Variants in HDAC9 observed in about 807,000 individuals in gnomAD.
The protein encoded by HDAC9 is histone deacetylase 9.
HDAC9 carries 41 observed loss-of-function variants against 139.4 expected under a neutral mutation model. That is an observed-to-expected ratio of 0.29 (90% CI 0.23 to 0.38). The LOEUF is 0.38. Among genes scored for constraint, HDAC9 ranks in the 10% least tolerant of loss-of-function variants. The pLI, the probability that HDAC9 is intolerant of heterozygous loss-of-function variation, is 1.00. For synonymous variants in HDAC9, 517 were observed against 476.2 expected, an observed-to-expected ratio of 1.09 and a Z score of -1.12; for missense variants, 1,147 against 1,297.0, an observed-to-expected ratio of 0.88 and a Z score of 1.78.
At chr7:18,727,444 ATT>A in intron 12 of HDAC9, 134 bp from the exon 13 acceptor site, 2 of 630,452 alleles carry the variant, frequency 3.2e-6, no homozygotes, top group Non-Finnish European at 5.1e-6. Flanking sequence ...CCCTTTCTCT[ATT>A]TTTTTTTTCT....
chr7:18,427,617 C>A (rs1790239573), intron 1 of HDAC9, among the ~76,000 whole-genome samples: 1 of 151,834 alleles, frequency 6.6e-6, no homozygotes, highest in African/African-American at 2.4e-5. Context: ...CAGTAACCTT[C>A]TCATTGATCT....
At chr7:18,352,922 C>G (rs890677871) in intron 1 of HDAC9, among the ~76,000 whole-genome samples, 2 of 152,090 alleles carry the variant, frequency 1.3e-5, no homozygotes, top group African/African-American at 4.8e-5. Context: ...AGAAGGTCAG[C>G]TCGGCGGCCA....
rs78956017 is a variant in HDAC9, at chr7:18,452,800, G to A, written c.-41-43462G>A. ...AGATGTGCCTTTTCTCTTCCTTCAC[G>A]TGTCACTGTGATTGTGAGGCCTCCC... On this transcript the variant is annotated intron_variant, in intron 1 of 3. Transcript: ENST00000413509. Among the ~76,000 whole-genome samples the A allele has an allele frequency of 2.0e-5, 3 of 152,134 alleles. No individual in the cohort carries two copies. The South Asian group carries it at 6.2e-4, about 32-fold the overall frequency.
intron 6 of HDAC9, among the ~76,000 whole-genome samples, chr7:18,622,303 A>G (rs1304265793): frequency 6.6e-6 from 1 of 152,118 alleles, no homozygotes. Context: ...CCAAATATTC[A>G]TTATTTTAAA....
chr7:18,784,927 A>G (rs1308176472), intron 16 of HDAC9, among the ~76,000 whole-genome samples: 1 of 142,484 alleles, frequency 7.0e-6, no homozygotes, highest in East Asian at 2.0e-4. Flanking sequence ...CTTGGCTTTT[A>G]ATAGGTAGCA....
chr7:18,637,566 G>A (rs1038571038), intron 8 of HDAC9, among the ~76,000 whole-genome samples: 1 of 152,030 alleles, frequency 6.6e-6, no homozygotes, highest in African/African-American at 2.4e-5. Context: ...GAGTTTAAAA[G>A]GGTAGAGGTA....
In HDAC9 at chr7:18,732,901, A is replaced by G. The variant is rs202149002; in HGVS notation, c.1909+5144A>G. Among the ~76,000 whole-genome samples, 23 of 78,456 alleles carry G rather than the reference A, an allele frequency of 2.9e-4. 3 individuals carry two copies. The highest frequency in any genetic ancestry group is 2.2e-3 in the East Asian group (4 of 1,860). 51.5% of individuals were successfully genotyped at this position (78,456 alleles called of 152,430 possible). A position where few individuals can be genotyped will look rare whatever the true frequency, so the allele number is the denominator to read the frequency against. ...CACGTGTGCGTATGTGTACACACACACGTGTGCGTATGTGTATACACACGT... is the reference window on the plus strand; with the variant it reads ...CACGTGTGCGTATGTGTACACACACGCGTGTGCGTATGTGTATACACACGT... On this transcript the variant is annotated intron_variant, in intron 13 of 25. Coordinates refer to ENST00000686413, the MANE Select transcript of HDAC9 (RefSeq NM_178425.4).
intron 24 of HDAC9, among the ~76,000 whole-genome samples, chr7:18,955,552 C>T (rs960587198): frequency 6.6e-6 from 1 of 152,112 alleles, no homozygotes; most frequent in African/African-American, 2.4e-5. Flanking sequence ...CTGAGCATAT[C>T]ACTTCAATAG....
At chr7:18,447,454 A>G (rs1398252324) in intron 1 of HDAC9, among the ~76,000 whole-genome samples, 1 of 152,170 alleles carries the variant, frequency 6.6e-6, no homozygotes, top group African/African-American at 2.4e-5. Context: ...GTCTAGTTTT[A>G]TTATATTGTT....
At chr7:18,226,414 A>AG (rs1430967374) in intron 2 of HDAC9, among the ~76,000 whole-genome samples, 1 of 152,112 alleles carries the variant, frequency 6.6e-6, no homozygotes, top group Non-Finnish European at 1.5e-5. Context: ...GCTAACTCCC[A>AG]GGAAAAAAAA....
chr7:18,172,663 C>G (rs201927861), intron 2 of HDAC9, among the ~76,000 whole-genome samples: 1 of 152,090 alleles, frequency 6.6e-6, no homozygotes, highest in African/African-American at 2.4e-5. Flanking sequence ...TTTGTTCTCA[C>G]TGGTTTCAAA....
intron 2 of HDAC9, among the ~76,000 whole-genome samples, chr7:18,500,369 C>T (rs992830584): frequency 2.6e-5 from 4 of 152,132 alleles, no homozygotes; most frequent in African/African-American, 9.7e-5. Flanking sequence ...ACATACCTTC[C>T]ATCCCTGTCA....
intron 8 of HDAC9, among the ~76,000 whole-genome samples, chr7:18,640,575 A>T: frequency 6.8e-6 from 1 of 146,244 alleles, no homozygotes; most frequent in African/African-American, 2.5e-5. Flanking sequence ...CCCCACTTTC[A>T]TTTTCCTTGC....
At chr7:18,519,277 G>T (rs959841699) in intron 2 of HDAC9, among the ~76,000 whole-genome samples, 1 of 152,086 alleles carries the variant, frequency 6.6e-6, no homozygotes, top group Non-Finnish European at 1.5e-5. Flanking sequence ...TGTTGACTTG[G>T]TATTCTTCGT....
At chr7:18,841,456 T>C (rs1796577839) in intron 21 of HDAC9, among the ~76,000 whole-genome samples, 1 of 152,150 alleles carries the variant, frequency 6.6e-6, no homozygotes, top group South Asian at 2.1e-4. Context: ...GTTGTTCATT[T>C]TTTTAAAAAG....
At chr7:18,257,627 C>G (rs182732933) in intron 2 of HDAC9, among the ~76,000 whole-genome samples, 19 of 152,112 alleles carry the variant, frequency 1.2e-4, no homozygotes, top group Admixed American at 1.1e-3. Context: ...TAAAAACAAA[C>G]CAGCTACTCA....
chr7:18,386,722 C>G (rs562826815), intron 1 of HDAC9, among the ~76,000 whole-genome samples: 2 of 152,290 alleles, frequency 1.3e-5, no homozygotes, highest in South Asian at 4.1e-4. Flanking sequence ...AGAGACTGTT[C>G]TATTGCTATA....
intron 25 of HDAC9, among the ~76,000 whole-genome samples, chr7:18,991,607 A>C (rs1022701839): frequency 2.0e-5 from 3 of 151,968 alleles, no homozygotes; most frequent in Admixed American, 1.3e-4. Context: ...ATTGCACTCC[A>C]GCCTGGGTGA....
At chr7:18,804,080 G>A (rs1343116962) in intron 17 of HDAC9, among the ~76,000 whole-genome samples, 2 of 152,182 alleles carry the variant, frequency 1.3e-5, no homozygotes, top group Admixed American at 6.5e-5. Context: ...AAAAGTAAAG[G>A]ATGAAAGAGA....
Sources: allele counts gnomAD v4.1 joint callset (sites outside exome capture counted in the v4.1 genomes callset), GRCh38; gene constraint gnomAD v4.1.1; transcripts MANE v1.5; gene names NCBI Gene and HGNC (gene_info 2026-07-23, HGNC 2026-07-21).